The following MVB12B variants were observed in gnomAD, a reference collection of about 807,000 sequenced individuals.
The protein encoded by MVB12B is multivesicular body subunit 12B.
Under a neutral mutation model 41.6 loss-of-function variants are expected in MVB12B, and 16 were observed. The ratio of observed to expected loss-of-function variants is 0.38; its 90% CI spans 0.26 to 0.58. The LOEUF (loss-of-function observed/expected upper bound fraction) is 0.58, where lower values mean the gene tolerates loss of function less well. MVB12B is among the 20% of genes least tolerant of loss of function. The pLI, the probability that MVB12B is intolerant of heterozygous loss-of-function variation, is 0.62. For missense variants in MVB12B, 274 were observed against 380.2 expected (o/e 0.72, Z 2.32); for synonymous variants, 133 against 139.7 (o/e 0.95, Z 0.34).
chr9:126,376,376 TGGGCCC>T lies in MVB12B; in HGVS notation c.205-4687_205-4682del. ...CCTTCAAGCTCCCTTTTTTCTATTT[TGGGCCC>T]TTCTGTCATGTCTGAGCCTGTCCCC... On this transcript the variant is annotated intron_variant, in intron 2 of 9. Coordinates refer to ENST00000361171, the MANE Select transcript of MVB12B (RefSeq NM_033446.3). The surrounding 1 kb of genome is among the most constrained non-coding windows in gnomAD (Gnocchi z 4.1). 1.8e-6 allele frequency: 1 copy of T among 551,230 alleles called. No individual in the cohort carries two copies. Among genetic ancestry groups the T allele is most frequent in the Admixed American group, 2.6e-5 (1 of 39,024 alleles). 34.1% of individuals were successfully genotyped at this position (551,230 alleles called of 1,614,324 possible).
At position 126,389,140 on chromosome 9, in the gene MVB12B, G is replaced by A. The variant is rs1451606573; in HGVS notation, c.409+2482G>A. On this transcript the variant is annotated intron_variant, in intron 4 of 9. Transcript: ENST00000361171. The surrounding 1 kb of genome is among the most constrained non-coding windows in gnomAD (Gnocchi z 4.4). ...GGGAGTACACAGGTTGCTGTCCCAA[G>A]TGTGGACTCTGAGATCGGTCCTGGG... Among the ~76,000 whole-genome samples the A allele has an allele frequency of 2.0e-5, 3 of 152,236 alleles. No homozygotes were observed. The highest frequency in any genetic ancestry group is 6.5e-5 in the Admixed American group (1 of 15,278).
intron 7 of MVB12B, among the ~76,000 whole-genome samples, chr9:126,467,087 G>C (rs985073155): frequency 6.6e-6 from 1 of 152,066 alleles, no homozygotes; most frequent in Non-Finnish European, 1.5e-5. Context: ...GCCCACCTCG[G>C]CCTGCCAAAG....
chr9:126,450,402 G>A (rs1832868104), intron 7 of MVB12B, among the ~76,000 whole-genome samples: 1 of 152,238 alleles, frequency 6.6e-6, no homozygotes, highest in Non-Finnish European at 1.5e-5. Flanking sequence ...AAGCCCAAAT[G>A]ACAAAGTAAA....
chr9:126,462,186 T>A (rs371532378), intron 7 of MVB12B, among the ~76,000 whole-genome samples: 15 of 152,352 alleles, frequency 9.8e-5, no homozygotes, highest in African/African-American at 3.6e-4. Context: ...CAAGTTGAAC[T>A]TGGAGCTTTG....
intron 5 of MVB12B, among the ~76,000 whole-genome samples, chr9:126,393,868 G>A (rs946804498): frequency 6.6e-6 from 1 of 152,250 alleles, no homozygotes; most frequent in Non-Finnish European, 1.5e-5. Context: ...CCTGGCTCAG[G>A]CCTGTACTCT....
At chr9:126,483,784 T>G (rs1833575506) in intron 8 of MVB12B, among the ~76,000 whole-genome samples, 189 bp from the exon 9 acceptor site, 1 of 152,092 alleles carries the variant, frequency 6.6e-6, no homozygotes, top group Non-Finnish European at 1.5e-5. Flanking sequence ...TGCAGCAGGC[T>G]CTATCATCAC....
chr9:126,335,167 T>A, intron 1 of MVB12B: 1 of 1,074,738 alleles, frequency 9.3e-7, no homozygotes, highest in Non-Finnish European at 1.2e-6. Flanking sequence ...GCAGCCCTCC[T>A]AGCAGCTAGT....
At chr9:126,403,957 T>TC (rs1390353736) in intron 6 of MVB12B, among the ~76,000 whole-genome samples, 1 of 144,716 alleles carries the variant, frequency 6.9e-6, no homozygotes, top group East Asian at 2.1e-4. Context: ...AATCTTTTTT[T>TC]TTTTTTTTTT....
At chr9:126,492,517 C>A (rs1833754784) in intron 9 of MVB12B, among the ~76,000 whole-genome samples, 2 of 152,078 alleles carry the variant, frequency 1.3e-5, no homozygotes, top group Admixed American at 1.3e-4. Flanking sequence ...TCACTGGGAC[C>A]TTAATGTGCC....
chr9:126,378,611 T>TTCTCTCTCTCTCTTCTCTGTCTCTCTC (rs1830549913), intron 2 of MVB12B, among the ~76,000 whole-genome samples: 1 of 149,394 alleles, frequency 6.7e-6, no homozygotes, highest in Non-Finnish European at 1.5e-5. Flanking sequence ...CTCTCTCTCT[T>TTCTCTCTCTCTCTTCTCTGTCTCTCTC]TCTCTCTCTC....
chr9:126,340,516 C>T lies in MVB12B; in HGVS notation c.90C>T (p.Ser30=). 1.2e-6 allele frequency: 2 copies of T among 1,614,042 alleles called. No individual in the cohort carries two copies. The highest frequency in any genetic ancestry group is 1.7e-6 in the Non-Finnish European group (2 of 1,179,942). Residue 30 remains serine (S), a synonymous_variant, in exon 2 of 10, where the codon TCC becomes TCT. Coordinates refer to ENST00000361171, the MANE Select transcript of MVB12B (RefSeq NM_033446.3). The surrounding 1 kb of genome is among the most constrained non-coding windows in gnomAD (Gnocchi z 4.0). ...TTCCTTTGCTGAACCAGGACCAGTC[C>T]ACCATGCCTGAAGTCAAAGACCTCT... ...PPPPQRGTDQ[S]TMPEVKDLSE...
At chr9:126,476,221 G>C (rs954753220) in intron 7 of MVB12B, among the ~76,000 whole-genome samples, 1 of 152,250 alleles carries the variant, frequency 6.6e-6, no homozygotes, top group Non-Finnish European at 1.5e-5. Flanking sequence ...CCTCACTAAG[G>C]TGTTACCGCT....
In MVB12B at chr9:126,389,825, G is replaced by C. The variant is rs895867395; in HGVS notation, c.410-2241G>C. Among the ~76,000 whole-genome samples the C allele has an allele frequency of 1.1e-4, 16 of 152,114 alleles. No individual in the cohort carries two copies. Among genetic ancestry groups the C allele is most frequent in the South Asian group, 1.0e-3 (5 of 4,826 alleles). The stretch of plus-strand genomic sequence containing the variant: ...GGCAGCAGGGGCCTCTTCATTTCCA[G>C]TTCTAGGATCATTTCCTAGATGTTT... On this transcript the variant is annotated intron_variant, in intron 4 of 9. Transcript: ENST00000361171. The surrounding 1 kb of genome is among the most constrained non-coding windows in gnomAD (Gnocchi z 4.4).
rs1200480029 is a variant in MVB12B at position 126,504,712 on chromosome 9, T to A, written c.*1449T>A. The A allele has an allele frequency of 6.6e-6, 1 of 152,334 alleles. No homozygotes were observed. Among genetic ancestry groups the A allele is most frequent in the Non-Finnish European group, 1.5e-5 (1 of 68,058 alleles). 9.4% of individuals were successfully genotyped at this position (152,334 alleles called of 1,614,324 possible). A position where few individuals can be genotyped will look rare whatever the true frequency, so the allele number is the denominator to read the frequency against. On this transcript the variant is annotated 3_prime_UTR_variant, in exon 10 of 10. Coordinates refer to ENST00000361171, the MANE Select transcript of MVB12B (RefSeq NM_033446.3). ...GGCCCCAGGCCTCTTTGTGGACCCATCTTCCTCCTCTGCCACCCCGATCTT... is the reference window on the plus strand; with the variant it reads ...GGCCCCAGGCCTCTTTGTGGACCCAACTTCCTCCTCTGCCACCCCGATCTT...
At position 126,456,325 on chromosome 9, in the gene MVB12B, A is replaced by G. The variant is rs2119168981; in HGVS notation, c.758-25044A>G. Among the ~76,000 whole-genome samples, 3 of 152,358 alleles carry G rather than the reference A, an allele frequency of 2.0e-5. No individual in the cohort carries two copies. The South Asian group carries it at 6.2e-4, about 32-fold the overall frequency. On this transcript the variant is annotated intron_variant, in intron 7 of 9. Coordinates refer to ENST00000361171, the MANE Select transcript of MVB12B (RefSeq NM_033446.3). ...CTTTCGCACACGATTTCTCCCACAG[A>G]ATGTAGTAATGTAGATATGAAACAT...
chr9:126,388,199 C>T (rs557276471), intron 4 of MVB12B, among the ~76,000 whole-genome samples: 1 of 152,256 alleles, frequency 6.6e-6, no homozygotes, highest in South Asian at 2.1e-4. Flanking sequence ...ACCCTCACCT[C>T]CCCACTCCCC....
Position 126,330,442 on chromosome 9 carries a change from G to C in MVB12B, c.81+3432G>C, listed in dbSNP as rs978918903. ...AGTTTGTAATGCACTAAATATGCCT[G>C]TGGTGTTGATGAAAATGCAGATTCT... On this transcript the variant is annotated intron_variant, in intron 1 of 9. Coordinates refer to ENST00000361171, the MANE Select transcript of MVB12B (RefSeq NM_033446.3). Among the ~76,000 whole-genome samples, 7 of 152,182 alleles carry C rather than the reference G, an allele frequency of 4.6e-5. 1 individual carries two copies. In the South Asian group the frequency reaches 1.2e-3, roughly 27 times the overall value.
At chr9:126,469,473 G>A (rs373363086) in intron 7 of MVB12B, among the ~76,000 whole-genome samples, 15 of 152,342 alleles carry the variant, frequency 9.8e-5, no homozygotes, top group South Asian at 4.1e-4. Flanking sequence ...GAGAAAGTGC[G>A]TCTTCCAAGC....
chr9:126,421,161 TG>T (rs1832004510), intron 6 of MVB12B, among the ~76,000 whole-genome samples: 1 of 152,250 alleles, frequency 6.6e-6, no homozygotes, highest in South Asian at 2.1e-4. Context: ...TGTTTACTTT[TG>T]ACTAAATGCT....
Sources: allele counts gnomAD v4.1 joint callset (sites outside exome capture counted in the v4.1 genomes callset), GRCh38; gene constraint gnomAD v4.1.1; non-coding constraint Gnocchi (gnomAD v3.1); transcripts MANE v1.5; gene names NCBI Gene and HGNC (gene_info 2026-07-23, HGNC 2026-07-21).